The following EMILIN1 variants were observed in gnomAD, a reference collection of about 807,000 sequenced individuals.
EMILIN1 encodes the protein EMILIN-1.
A neutral mutation model predicts 82.4 loss-of-function variants in EMILIN1; 49 were observed. The ratio of observed to expected loss-of-function variants is 0.59; its 90% CI spans 0.47 to 0.75. The LOEUF (loss-of-function observed/expected upper bound fraction) is 0.75. Ranked by LOEUF, EMILIN1 falls within the 30% of genes least tolerant of loss-of-function variation. EMILIN1 has a pLI of 0.00. For missense variants in EMILIN1, 1,313 were observed against 1,366.4 expected (o/e 0.96, Z 0.62); for synonymous variants, 604 against 602.2 (o/e 1.00, Z -0.04).
rs2148317007 is a variant in EMILIN1, at chr2:27,079,321, T to A, written c.170+86T>A. ...CTGCCTGGCTCTCTGCTGTGTCCGC[T>A]AATGCAGGGCAGAGGGGGAGTGAGA... is the stretch of plus-strand genomic sequence containing the variant. On this transcript the variant is annotated intron_variant, in intron 1 of 7. Transcript: ENST00000380320. 3.4e-6 allele frequency: 4 copies of A among 1,182,526 alleles called. No homozygotes were observed. In the South Asian group the frequency reaches 6.1e-5, roughly 18 times the overall value. 73.3% of individuals were successfully genotyped at this position (1,182,526 alleles called of 1,614,324 possible). A position where few individuals can be genotyped will look rare whatever the true frequency, so the allele number is the denominator to read the frequency against.
rs763235759 is a variant in EMILIN1 at position 27,083,179 on chromosome 2, A to G, written c.1608A>G (p.Gln536=). ...GGCAGGCCACGCTGGAGGGATTACAAGAGGTTGTGGGCCGGCTCCAGGATC... is the reference window on the plus strand; with the variant it reads ...GGCAGGCCACGCTGGAGGGATTACAGGAGGTTGTGGGCCGGCTCCAGGATC... ...EARQATLEGL[Q]EVVGRLQDRV... The change falls in exon 4 of 8, where the codon CAA becomes CAG. Residue 536 remains glutamine, a synonymous_variant. Coordinates refer to ENST00000380320, the MANE Select transcript of EMILIN1 (RefSeq NM_007046.4). 1.6e-5 allele frequency: 26 copies of G among 1,610,672 alleles called. No individual in the cohort carries two copies. Among genetic ancestry groups the G allele is most frequent in the Admixed American group, 6.7e-5 (4 of 59,848 alleles).
chr2:27,079,280 G>C, intron 1 of EMILIN1, 45 bp downstream of exon 1: 1 of 1,491,086 alleles, frequency 6.7e-7, no homozygotes, highest in Non-Finnish European at 9.0e-7. Context: ...GTGAGGAAGG[G>C]GTCAGAATGC....
Position 27,083,182 on chromosome 2 carries a change from G to A in EMILIN1, c.1611G>A (p.Glu537=), listed in dbSNP as rs117801783. 963 of 1,611,084 alleles carry A rather than the reference G, an allele frequency of 6.0e-4. 13 individuals carry two copies. The East Asian group carries it at 0.019, about 32-fold the overall frequency. Reference sequence around the variant, plus strand: ...AGGCCACGCTGGAGGGATTACAAGAGGTTGTGGGCCGGCTCCAGGATCGTG... The same window carrying A: ...AGGCCACGCTGGAGGGATTACAAGAAGTTGTGGGCCGGCTCCAGGATCGTG... ...ARQATLEGLQ[E]VVGRLQDRVD... The change falls in exon 4 of 8, where the codon GAG becomes GAA. Residue 537 remains glutamate (E), a synonymous_variant. Transcript: ENST00000380320.
chr2:27,083,533 C>T lies in EMILIN1; in HGVS notation c.1962C>T (p.Phe654=), dbSNP rs2148319600. Residue 654 remains phenylalanine, a synonymous_variant, in exon 4 of 8, where the codon TTC becomes TTT. Transcript: ENST00000380320. ...AGCTCTCTGAGGTTATTCTCAGCTT[C>T]AGCTCCCTCAATGACTCACTGAATG... ...QGELSEVILS[F]SSLNDSLNEL... is the part of the protein sequence containing the mutation. 6.2e-7 allele frequency: 1 copy of T among 1,614,122 alleles called. No homozygotes were observed. Among genetic ancestry groups the T allele is most frequent in the East Asian group, 2.2e-5 (1 of 44,884 alleles).
rs763246663 is a variant in EMILIN1 at position 27,079,103 on chromosome 2, G to T, written c.38G>T (p.Cys13Phe). Residue 13 changes from cysteine (C) to phenylalanine (F), a missense_variant, in exon 1 of 8, where the codon TGC becomes TTC. By Grantham distance (205) the Cys-to-Phe change is radical (BLOSUM62 -2). Coordinates refer to ENST00000380320, the MANE Select transcript of EMILIN1 (RefSeq NM_007046.4). ...ACCCTCTGGAGCTGCTACCTCTGCTGCCTGCTGACGGCAGCTGCAGGGGCC... is the reference window on the plus strand; with the variant it reads ...ACCCTCTGGAGCTGCTACCTCTGCTTCCTGCTGACGGCAGCTGCAGGGGCC... The part of the protein sequence containing the change: ...PRTLWSCYLC[C>F]LLTAAAGAAS... 3 of 1,606,278 alleles carry T rather than the reference G, an allele frequency of 1.9e-6. No individual in the cohort carries two copies. Among genetic ancestry groups the T allele is most frequent in the Non-Finnish European group, 2.5e-6 (3 of 1,176,956 alleles).
In EMILIN1 at chr2:27,083,537, T is replaced by A; in HGVS notation, c.1966T>A (p.Ser656Thr). 1 of 1,614,060 alleles carries A rather than the reference T, an allele frequency of 6.2e-7. No individual in the cohort carries two copies. The highest frequency in any genetic ancestry group is 8.5e-7 in the Non-Finnish European group (1 of 1,179,988). Reference sequence around the variant, plus strand: ...CTCTGAGGTTATTCTCAGCTTCAGCTCCCTCAATGACTCACTGAATGAGCT... The same window carrying A: ...CTCTGAGGTTATTCTCAGCTTCAGCACCCTCAATGACTCACTGAATGAGCT... ...ELSEVILSFS[S>T]LNDSLNELQT... The change falls in exon 4 of 8, where the codon TCC (serine) becomes ACC (threonine). Residue 656 changes from serine to threonine, a missense_variant. Physicochemically the swap from Ser to Thr is moderately conservative, Grantham distance 58. Transcript: ENST00000380320.
intron 1 of EMILIN1, 50 bp from the exon 2 acceptor site, chr2:27,080,101 C>G (rs377366246): frequency 6.2e-7 from 1 of 1,606,586 alleles, no homozygotes. Context: ...GGGCCCTCCT[C>G]CAGGGCATGT....
Position 27,082,740 on chromosome 2 carries a change from C to A in EMILIN1, c.1169C>A (p.Ala390Asp), listed in dbSNP as rs758941580. 1.6e-5 allele frequency: 24 copies of A among 1,542,832 alleles called. No homozygotes were observed. The highest frequency in any genetic ancestry group is 2.1e-5 in the Non-Finnish European group (24 of 1,149,890). The change falls in exon 4 of 8, where the codon GCC (alanine) becomes GAC (aspartate). Residue 390 changes from alanine to aspartate, a missense_variant. Transcript: ENST00000380320. ...CGGCGAGGCACAGAGCTGGGAGGAGCCGCGGGGCAGGGAGGCCACCCCCCA... is the reference window on the plus strand; with the variant it reads ...CGGCGAGGCACAGAGCTGGGAGGAGACGCGGGGCAGGGAGGCCACCCCCCA... Reference protein sequence around the residue: ...SGRRGTELGGAAGQGGHPPGY... With the variant: ...SGRRGTELGGDAGQGGHPPGY...
At chr2:27,085,439 T>C (rs1330694759) in intron 7 of EMILIN1, 142 bp downstream of exon 7, 7 of 1,109,100 alleles carry the variant, frequency 6.3e-6, no homozygotes, top group Non-Finnish European at 9.1e-6. Context: ...CATTTATTCA[T>C]TCTCAGGCAG....
chr2:27,081,050 C>A, intron 3 of EMILIN1, 98 bp downstream of exon 3: 1 of 919,010 alleles, frequency 1.1e-6, no homozygotes, highest in Non-Finnish European at 1.6e-6. Flanking sequence ...CCCCCGTGCT[C>A]TATGCCAGAG....
chr2:27,082,597 G>T lies in EMILIN1; in HGVS notation c.1026G>T (p.Gly342=). 6.5e-7 allele frequency: 1 copy of T among 1,543,152 alleles called. No homozygotes were observed. ...AGGAGCGGCAACGGCACCTCGCAGG[G>T]CTGGCGGTGGGCCGCAGGCCCCCTC... ...SVEERQRHLA[G]LAVGRRPPQE... is the part of the protein sequence containing the mutation. The change falls in exon 4 of 8, where the codon GGG becomes GGT. Residue 342 remains glycine (G), a synonymous_variant. Coordinates refer to ENST00000380320, the MANE Select transcript of EMILIN1 (RefSeq NM_007046.4).
Position 27,086,361 on chromosome 2 carries a change from T to A in EMILIN1, c.*346T>A. 3.7e-6 allele frequency: 1 copy of A among 266,770 alleles called. No individual in the cohort carries two copies. The highest frequency in any genetic ancestry group is 7.0e-6 in the Non-Finnish European group (1 of 142,160). 16.5% of individuals were successfully genotyped at this position (266,770 alleles called of 1,614,324 possible). ...GCGCGGGCGCCGCCCACCGCCATAC[T>A]AAACGATCGAGGAATAAAGACACTT... On this transcript the variant is annotated 3_prime_UTR_variant, in exon 8 of 8. Coordinates refer to ENST00000380320, the MANE Select transcript of EMILIN1 (RefSeq NM_007046.4).
Position 27,083,467 on chromosome 2 carries a change from TG to T in EMILIN1, c.1901del (p.Gly634AlafsTer28). 1 of 1,613,114 alleles carries T rather than the reference TG, an allele frequency of 6.2e-7. No homozygotes were observed. The highest frequency in any genetic ancestry group is 8.5e-7 in the Non-Finnish European group (1 of 1,179,730). On this transcript the variant is annotated frameshift_variant, in exon 4 of 8. Coordinates refer to ENST00000380320, the MANE Select transcript of EMILIN1 (RefSeq NM_007046.4). LOFTEE classifies it high-confidence loss of function. ...RGPLDGFSVF[G>X]GSSGSALQAL... is the part of the protein sequence containing the mutation. ...GGCCCCTGGACGGCTTCAGCGTGTTTGGGGGCAGCTCAGGCTCAGCCCTGCA... is the reference window on the plus strand; with the variant it reads ...GGCCCCTGGACGGCTTCAGCGTGTTTGGGGCAGCTCAGGCTCAGCCCTGCA...
Position 27,082,506 on chromosome 2 carries a change from TCCG to T in EMILIN1, c.939_941del (p.Arg314del). 6.5e-7 allele frequency: 1 copy of T among 1,546,790 alleles called. No homozygotes were observed. Among genetic ancestry groups the T allele is most frequent in the South Asian group, 1.2e-5 (1 of 84,778 alleles). ...GTGTGCCTGGCCGGGCTAGATGGCTTCCGCCGGCAGCAGCAGGAGGACAGGGAG... is the reference window on the plus strand; with the variant it reads ...GTGTGCCTGGCCGGGCTAGATGGCTTCCGGCAGCAGCAGGAGGACAGGGAG... On this transcript the variant is annotated inframe_deletion, in exon 4 of 8. Transcript: ENST00000380320.
chr2:27,082,153 C>A lies in EMILIN1; in HGVS notation c.582C>A (p.Gly194=), dbSNP rs1449277241. The A allele has an allele frequency of 6.2e-7, 1 of 1,613,770 alleles. No individual in the cohort carries two copies. The highest frequency in any genetic ancestry group is 2.2e-5 in the East Asian group (1 of 44,888). Residue 194 remains glycine, a synonymous_variant, in exon 4 of 8, where the codon GGC becomes GGA. Coordinates refer to ENST00000380320, the MANE Select transcript of EMILIN1 (RefSeq NM_007046.4). ...AGAGCCTGACCAAGGAGCTGCAAGGCCTGCGGGGCGTCCTGCAAGGACTGA... is the reference window on the plus strand; with the variant it reads ...AGAGCCTGACCAAGGAGCTGCAAGGACTGCGGGGCGTCCTGCAAGGACTGA... The part of the protein sequence containing the change: ...QVQSLTKELQ[G]LRGVLQGLSG...
chr2:27,082,589 C>A lies in EMILIN1; in HGVS notation c.1018C>A (p.Leu340Ile). The change falls in exon 4 of 8, where the codon CTC (leucine) becomes ATC (isoleucine). Residue 340 changes from leucine (L) to isoleucine (I), a missense_variant. Coordinates refer to ENST00000380320, the MANE Select transcript of EMILIN1 (RefSeq NM_007046.4). ...LASVEERQRHLAGLAVGRRPP... is the reference protein window; with the variant it reads ...LASVEERQRHIAGLAVGRRPP... ...CTCGGTGGAGGAGCGGCAACGGCAC[C>A]TCGCAGGGCTGGCGGTGGGCCGCAG... 6.5e-7 allele frequency: 1 copy of A among 1,542,628 alleles called. No homozygotes were observed. Among genetic ancestry groups the A allele is most frequent in the Non-Finnish European group, 8.7e-7 (1 of 1,145,364 alleles).
chr2:27,082,615 G>T lies in EMILIN1; in HGVS notation c.1044G>T (p.Arg348Ser). The T allele has an allele frequency of 6.5e-7, 1 of 1,543,940 alleles. No individual in the cohort carries two copies. The highest frequency in any genetic ancestry group is 8.7e-7 in the Non-Finnish European group (1 of 1,146,894). The part of the protein sequence containing the change: ...RHLAGLAVGR[R>S]PPQECCSPEL... ...TCGCAGGGCTGGCGGTGGGCCGCAGGCCCCCTCAGGAATGCTGCTCTCCAG... is the reference window on the plus strand; with the variant it reads ...TCGCAGGGCTGGCGGTGGGCCGCAGTCCCCCTCAGGAATGCTGCTCTCCAG... Residue 348 changes from arginine (R) to serine (S), a missense_variant, in exon 4 of 8, where the codon AGG becomes AGT. Physicochemically the swap from Arg to Ser is moderately radical, Grantham distance 110. Coordinates refer to ENST00000380320, the MANE Select transcript of EMILIN1 (RefSeq NM_007046.4).
At chr2:27,082,037 G>A in intron 3 of EMILIN1, 46 bp from the exon 4 acceptor site, 2 of 1,521,778 alleles carry the variant, frequency 1.3e-6, no homozygotes, top group South Asian at 1.3e-5. Flanking sequence ...GGGGCCTTGA[G>A]CTCTGGGGTC....
In EMILIN1 at chr2:27,082,369, C is replaced by A; in HGVS notation, c.798C>A (p.Gly266=). The A allele has an allele frequency of 6.2e-7, 1 of 1,611,314 alleles. No homozygotes were observed. The highest frequency in any genetic ancestry group is 1.3e-5 in the African/African-American group (1 of 75,056). ...QELGHLNNHH[G]GSSSSGGSRA... The stretch of plus-strand genomic sequence containing the variant: ...TGGGTCACCTCAACAACCATCATGG[C>A]GGCAGCAGCAGCAGTGGGGGCAGCA... The change falls in exon 4 of 8, where the codon GGC becomes GGA. Residue 266 remains glycine, a synonymous_variant. Coordinates refer to ENST00000380320, the MANE Select transcript of EMILIN1 (RefSeq NM_007046.4).
Sources: allele counts gnomAD v4.1 joint callset, GRCh38; gene constraint gnomAD v4.1.1; transcripts MANE v1.5; gene names NCBI Gene and HGNC (gene_info 2026-07-23, HGNC 2026-07-21).